CCDC77: variants seen among roughly 807,000 people sequenced by gnomAD.
The protein encoded by CCDC77 is coiled-coil domain-containing protein 77.
CCDC77 carries 56 observed loss-of-function variants against 66.8 expected under a neutral mutation model. That is an observed-to-expected ratio of 0.84 (90% CI 0.68 to 1.05). The LOEUF is 1.05. CCDC77 is among the 50% of genes least tolerant of loss of function. CCDC77 has a pLI of 0.00. For missense variants in CCDC77, 570 were observed against 576.8 expected (o/e 0.99, Z 0.12); for synonymous variants, 196 against 195.2 (o/e 1.00, Z -0.03).
chr12:414,382 T>C (rs1361027132), intron 4 of CCDC77, among the ~76,000 whole-genome samples: 2 of 152,206 alleles, frequency 1.3e-5, no homozygotes, highest in Non-Finnish European at 2.9e-5. Flanking sequence ...GAGCCTGGCC[T>C]CCTTTCTTGA....
intron 5 of CCDC77, among the ~76,000 whole-genome samples, chr12:424,812 A>G (rs1945497381): frequency 6.6e-6 from 1 of 151,354 alleles, no homozygotes; most frequent in South Asian, 2.1e-4. Context: ...TTTTTAGTTA[A>G]TTTTTGTATA....
Position 440,928 on chromosome 12 carries a change from G to C in CCDC77, c.1252G>C (p.Glu418Gln). 6.2e-7 allele frequency: 1 copy of C among 1,613,690 alleles called. No homozygotes were observed. The highest frequency in any genetic ancestry group is 1.1e-5 in the South Asian group (1 of 91,078). Residue 418 changes from glutamate to glutamine, a missense_variant, in exon 12 of 13, where the codon GAA (glutamate) becomes CAA (glutamine). Transcript: ENST00000239830. ...ALERRRILEV[E>Q]GFKTDIKVLR... ...GGAGCGTCGACGTATCCTGGAAGTA[G>C]AAGGCTTTAAGACAGATATTAAAGT... is the stretch of plus-strand genomic sequence containing the variant.
chr12:409,001 C>T (rs1945050607), intron 2 of CCDC77, among the ~76,000 whole-genome samples: 3 of 151,964 alleles, frequency 2.0e-5, no homozygotes, highest in South Asian at 4.1e-4. Flanking sequence ...GTCAGGAGTT[C>T]GAGACCAGCC....
rs190509989 is a variant in CCDC77 at position 425,221 on chromosome 12, G to A, written c.414-3548G>A. On this transcript the variant is annotated intron_variant, in intron 5 of 12. Transcript: ENST00000239830. ...GCTGGGATGTCAAGCGTGAGCCACC[G>A]CACCCAGCCTCGCCACGTGGGTTTT... is the stretch of plus-strand genomic sequence containing the variant. 3.8e-3 allele frequency among the ~76,000 whole-genome samples: 569 copies of A among 150,142 alleles called. 2 individuals are homozygous for A. Among genetic ancestry groups the A allele is most frequent in the African/African-American group, 0.013 (514 of 39,764 alleles).
At chr12:400,343 G>T (rs781708406), upstream of CCDC77, among the ~76,000 whole-genome samples, 6 of 152,220 alleles carry the variant, frequency 3.9e-5, no homozygotes, top group Admixed American at 1.3e-4. Flanking sequence ...TACTGGAGTA[G>T]CACTTTTAAT....
intron 10 of CCDC77, 77 bp downstream of exon 10, chr12:438,631 T>C (rs992165778): frequency 1.8e-6 from 2 of 1,101,930 alleles, no homozygotes; most frequent in Admixed American, 4.2e-5. Context: ...CTACAATTTG[T>C]AATGTAAGAT....
intron 8 of CCDC77, 96 bp from the exon 9 acceptor site, chr12:433,078 G>GT: frequency 7.6e-7 from 1 of 1,312,022 alleles, no homozygotes; most frequent in Non-Finnish European, 1.1e-6. Flanking sequence ...GTTTGTGTTT[G>GT]TTTTTTAATT....
At chr12:406,911 C>T (rs1005359262) in intron 2 of CCDC77, among the ~76,000 whole-genome samples, 3 of 152,206 alleles carry the variant, frequency 2.0e-5, no homozygotes, top group Non-Finnish European at 4.4e-5. Context: ...TGCGCCATCG[C>T]ACTCCAGCTT....
At chr12:390,469 C>T (rs563256515) in intron 1 of CCDC77, among the ~76,000 whole-genome samples, 27 of 152,178 alleles carry the variant, frequency 1.8e-4, no homozygotes, top group Admixed American at 3.9e-4. Context: ...ATTTTTCTCA[C>T]CTCTGAGTAA....
chr12:431,863 T>C lies in CCDC77; in HGVS notation c.584-3T>C. ...TCTTGATGGATTTTGTTTTCTATTT[T>C]AGATCCTAAAATAAGCAAAAGAAGA... On this transcript the variant is annotated splice_region_variant and splice_polypyrimidine_tract_variant and intron_variant, in intron 7 of 12. Coordinates refer to ENST00000239830, the MANE Select transcript of CCDC77 (RefSeq NM_032358.4). 1 of 1,589,222 alleles carries C rather than the reference T, an allele frequency of 6.3e-7. No homozygotes were observed. The highest frequency in any genetic ancestry group is 8.6e-7 in the Non-Finnish European group (1 of 1,164,116).
intron 5 of CCDC77, among the ~76,000 whole-genome samples, chr12:425,175 C>A (rs1945504043): frequency 6.6e-6 from 1 of 151,694 alleles, no homozygotes; most frequent in South Asian, 2.1e-4. Context: ...AAGCAATCTG[C>A]CCTCCTCAGC....
intron 3 of CCDC77, among the ~76,000 whole-genome samples, chr12:411,415 G>A (rs1945106973): frequency 6.6e-6 from 1 of 151,666 alleles, no homozygotes; most frequent in South Asian, 2.1e-4. Context: ...CCTGAGCTCA[G>A]GCAATCTGCC....
At chr12:434,353 C>G (rs372774800) in intron 9 of CCDC77, among the ~76,000 whole-genome samples, 2 of 137,290 alleles carry the variant, frequency 1.5e-5, no homozygotes, top group Non-Finnish European at 3.2e-5. Flanking sequence ...ACTTTTCTTT[C>G]TTTTTTTTTT....
chr12:397,803 C>T (rs545519548), upstream of CCDC77, among the ~76,000 whole-genome samples: 42 of 152,104 alleles, frequency 2.8e-4, no homozygotes, highest in African/African-American at 9.4e-4. Flanking sequence ...CCCGCCACCA[C>T]GCCCGGCTAA....
chr12:407,659 C>T lies in CCDC77; in HGVS notation c.-16-1709C>T, dbSNP rs148303099. The stretch of plus-strand genomic sequence containing the variant: ...TGTCCTGGAAGCCAAACAAAGAAAG[C>T]TTTGACGGAGTCAGGGAGAGAGGCA... On this transcript the variant is annotated intron_variant, in intron 2 of 12. Transcript: ENST00000239830. Among the ~76,000 whole-genome samples the T allele has an allele frequency of 2.1e-4, 32 of 152,186 alleles. No homozygotes were observed. In the East Asian group the frequency reaches 3.3e-3, roughly 16 times the overall value.
intron 1 of CCDC77, chr12:389,571 C>CGGGGCGGGGCGAGGCGGGGCGAGGCGG (rs57308009): frequency 1.8e-5 from 4 of 223,942 alleles, no homozygotes; most frequent in Non-Finnish European, 3.7e-5. Flanking sequence ...GGGCGAGGCG[C>CGGGGCGGGGCGAGGCGGGGCGAGGCGG]AACGAGGCGG....
upstream of CCDC77, among the ~76,000 whole-genome samples, chr12:399,987 A>C (rs1389915027): frequency 1.3e-5 from 2 of 152,194 alleles, no homozygotes; most frequent in Non-Finnish European, 2.9e-5. Context: ...TATATATCAA[A>C]AGTCTGTAGT....
rs187584484 is a variant in CCDC77, at chr12:391,125, C to T, written c.-113+1639C>T. Among the ~76,000 whole-genome samples the T allele has an allele frequency of 4.6e-5, 7 of 152,236 alleles. No individual in the cohort carries two copies. In the East Asian group the frequency reaches 5.8e-4, roughly 13 times the overall value. On this transcript the variant is annotated intron_variant, in intron 1 of 11. Coordinates refer to the CCDC77 transcript ENST00000422000. ...ATTACAAAGGGGTGTAGACACAGGA[C>T]GCTGTGATTCATAATAATTCCATAC...
At chr12:412,446 G>A (rs1945131670) in intron 4 of CCDC77, among the ~76,000 whole-genome samples, 1 of 152,218 alleles carries the variant, frequency 6.6e-6, no homozygotes, top group Non-Finnish European at 1.5e-5. Flanking sequence ...TCTGCCACGT[G>A]TTCTCCTATA....
Sources: gnomAD v4.1 joint callset for allele counts (sites outside exome capture counted in the v4.1 genomes callset) on GRCh38, gnomAD v4.1.1 for gene constraint, MANE v1.5 for transcripts, NCBI Gene and HGNC (gene_info 2026-07-23, HGNC 2026-07-21) for gene names.